The following ESR2 variants were observed in gnomAD, a reference collection of about 807,000 sequenced individuals.
ESR2 encodes estrogen receptor beta.
ESR2 carries 36 observed loss-of-function variants against 49.6 expected under a neutral mutation model. The observed-to-expected ratio is 0.73, with a 90% CI of 0.56 to 0.96. ESR2 has a LOEUF of 0.96. ESR2 is among the 40% of genes least tolerant of loss of function. ESR2 has a pLI of 0.00. For missense variants in ESR2, 714 were observed against 693.0 expected (o/e 1.03, Z -0.34); for synonymous variants, 320 against 266.1 (o/e 1.20, Z -1.97).
intron 7 of ESR2, among the ~76,000 whole-genome samples, chr14:64,243,194 ATGG>A (rs920585784): frequency 4.6e-5 from 7 of 152,194 alleles, no homozygotes; most frequent in Admixed American, 1.3e-4. Context: ...AGAATTCCAG[ATGG>A]TGGTGGGGCC....
chr14:64,311,656 A>AG (rs1164385454), intron 1 of ESR2, among the ~76,000 whole-genome samples: 3 of 151,402 alleles, frequency 2.0e-5, no homozygotes, highest in Admixed American at 6.6e-5. Flanking sequence ...AAAAAAAAAA[A>AG]AAAAAAAATT....
At chr14:64,288,311 C>T (rs1279620913) in intron 1 of ESR2, among the ~76,000 whole-genome samples, 1 of 151,076 alleles carries the variant, frequency 6.6e-6, no homozygotes, top group African/African-American at 2.4e-5. Flanking sequence ...AAAGTTTGGC[C>T]CTAGAAATGG....
rs190193458 is a variant in ESR2 at position 64,302,248 on chromosome 14, G to T, written c.-90-19173C>A. Among the ~76,000 whole-genome samples, 7 of 150,560 alleles carry T rather than the reference G, an allele frequency of 4.6e-5. No homozygotes were observed. The South Asian group carries it at 1.5e-3, about 32-fold the overall frequency. ...GTCGCCCAGGCTGGAGTGCAGTGGC[G>T]CAATCTCGGCTCACTGCAAGCTCTG... On this transcript the variant is annotated intron_variant, in intron 1 of 8. Transcript: ENST00000358599.
At chr14:64,248,263 G>T (rs913095102) in intron 7 of ESR2, among the ~76,000 whole-genome samples, 1 of 151,940 alleles carries the variant, frequency 6.6e-6, no homozygotes, top group African/African-American at 2.4e-5. Flanking sequence ...CCAGAACTTT[G>T]GGAGGCTGAG....
chr14:64,238,263 G>C (rs1037255395), intron 7 of ESR2, among the ~76,000 whole-genome samples: 1 of 152,128 alleles, frequency 6.6e-6, no homozygotes, highest in Middle Eastern at 3.2e-3. Context: ...GCTCCACCTG[G>C]GGCCCAGAGT....
chr14:64,311,172 C>T (rs2077183631), intron 1 of ESR2, among the ~76,000 whole-genome samples: 1 of 152,094 alleles, frequency 6.6e-6, no homozygotes, highest in Non-Finnish European at 1.5e-5. Context: ...GCCCTAGTGA[C>T]TTACAGGGGG....
At chr14:64,255,914 T>C (rs1405470941) in intron 6 of ESR2, among the ~76,000 whole-genome samples, 1 of 152,200 alleles carries the variant, frequency 6.6e-6, no homozygotes, top group Non-Finnish European at 1.5e-5. Context: ...AAAACACCAT[T>C]ATGCAGAACA....
chr14:64,249,159 G>T lies in ESR2; in HGVS notation c.1225+387C>A, dbSNP rs72548764. Among the ~76,000 whole-genome samples, 939 of 152,224 alleles carry T rather than the reference G, an allele frequency of 6.2e-3. 5 individuals carry two copies. Among genetic ancestry groups the T allele is most frequent in the African/African-American group, 0.021 (888 of 41,536 alleles). ...CTATGAGCCATTTGAGGGTAGGATT[G>T]TATCTTTACTGAACGAATGAATCTG... is the stretch of plus-strand genomic sequence containing the variant. On this transcript the variant is annotated intron_variant, in intron 7 of 8. Coordinates refer to ENST00000341099, the MANE Select transcript of ESR2 (RefSeq NM_001437.3).
At chr14:64,269,353 A>G (rs1261649012) in intron 3 of ESR2, among the ~76,000 whole-genome samples, 4 of 152,250 alleles carry the variant, frequency 2.6e-5, no homozygotes, top group African/African-American at 7.2e-5. Context: ...TAAAATAACA[A>G]AAGGAACAAA....
chr14:64,254,689 C>T (rs996466451), intron 6 of ESR2, among the ~76,000 whole-genome samples: 1 of 151,936 alleles, frequency 6.6e-6, no homozygotes, highest in African/African-American at 2.4e-5. Flanking sequence ...GCTTGGGAGG[C>T]GGAGATTGCA....
chr14:64,303,607 T>C (rs1025762564), intron 1 of ESR2: 1 of 152,202 alleles, frequency 6.6e-6, no homozygotes, highest in Non-Finnish European at 1.5e-5. Context: ...TGGTTCAGAA[T>C]TTCTAAAGAC....
At chr14:64,327,143 C>A (rs1399502272) in intron 1 of ESR2, among the ~76,000 whole-genome samples, 1 of 152,056 alleles carries the variant, frequency 6.6e-6, no homozygotes, top group Non-Finnish European at 1.5e-5. Flanking sequence ...TTTTGTTCCA[C>A]CTTTTCTCTT....
At chr14:64,283,146 C>A in intron 1 of ESR2, 71 bp from the exon 2 acceptor site, 2 of 599,906 alleles carry the variant, frequency 3.3e-6, no homozygotes, top group Non-Finnish European at 5.5e-6. Flanking sequence ...TAAATATTTT[C>A]ATTAAAAAAA....
At chr14:64,283,792 G>GA (rs76529465) in intron 1 of ESR2, among the ~76,000 whole-genome samples, 1 of 139,678 alleles carries the variant, frequency 7.2e-6, no homozygotes, top group Non-Finnish European at 1.5e-5. Context: ...TACCATTTCC[G>GA]AAAAAAGTTT....
intron 1 of ESR2, 66 bp from the exon 2 acceptor site, chr14:64,283,141 AT>A (rs1183938166): frequency 8.1e-6 from 5 of 616,880 alleles, no homozygotes; most frequent in Non-Finnish European, 1.3e-5. Context: ...AAATTTAAAT[AT>A]TTTCATTAAA....
Position 64,302,793 on chromosome 14 carries a change from T to G in ESR2, c.-90-19718A>C, listed in dbSNP as rs190945549. On this transcript the variant is annotated intron_variant, in intron 1 of 8. Transcript: ENST00000358599. The stretch of plus-strand genomic sequence containing the variant: ...CTGGCTCAAGAGAGCCTACTGTTGT[T>G]GTTATTGTTGTTTTGTTTTTTTGAG... 1.2e-3 allele frequency among the ~76,000 whole-genome samples: 181 copies of G among 151,576 alleles called. 1 individual carries two copies. The highest frequency in any genetic ancestry group is 7.2e-4 in the Admixed American group (11 of 15,246).
chr14:64,234,978 C>T lies in ESR2; in HGVS notation c.1398G>A (p.Arg466=). Residue 466 remains arginine (R), a synonymous_variant, in exon 8 of 9, where the codon AGG becomes AGA. Transcript: ENST00000341099. The stretch of plus-strand genomic sequence containing the variant: ...CTCCTTAGGGCGCGTACCTCGCATG[C>T]CTGACGTGGGACAGGAGCATCAGGA... The part of the protein sequence containing the change: ...ANLLMLLSHV[R]HASNKGMEHL... The T allele has an allele frequency of 1.2e-6, 2 of 1,614,112 alleles. No homozygotes were observed. Among genetic ancestry groups the T allele is most frequent in the Non-Finnish European group, 1.7e-6 (2 of 1,179,962 alleles).
chr14:64,311,069 T>C (rs1471162259), intron 1 of ESR2, among the ~76,000 whole-genome samples: 1 of 152,178 alleles, frequency 6.6e-6, no homozygotes, highest in Admixed American at 6.6e-5. Context: ...TCTAAAATCA[T>C]TTCAACTTAT....
chr14:64,286,639 C>T (rs775613455), intron 1 of ESR2, among the ~76,000 whole-genome samples: 2 of 152,058 alleles, frequency 1.3e-5, no homozygotes, highest in Non-Finnish European at 2.9e-5. Flanking sequence ...TCAACATAAA[C>T]AATTCCTTAT....
Sources: allele counts gnomAD v4.1 joint callset (sites outside exome capture counted in the v4.1 genomes callset), GRCh38; gene constraint gnomAD v4.1.1; transcripts MANE v1.5; gene names NCBI Gene and HGNC (gene_info 2026-07-23, HGNC 2026-07-21).